WNT9B: variants seen among roughly 807,000 people sequenced by gnomAD.
WNT9B encodes Wnt family member 9B, also known as protein Wnt-9b.
WNT9B carries 12 observed loss-of-function variants against 30.2 expected under a neutral mutation model. That is an observed-to-expected ratio of 0.40 (90% confidence interval 0.26 to 0.64). WNT9B has a LOEUF of 0.64. WNT9B is among the 30% of genes least tolerant of loss of function. The probability of loss-of-function intolerance (pLI) is 0.42; values close to 1 mark genes in which losing one functional copy is unlikely to be tolerated. For synonymous variants in WNT9B, 218 were observed against 216.9 expected, an observed-to-expected ratio of 1.01 and a Z score of -0.05; for missense variants, 442 against 485.2, an observed-to-expected ratio of 0.91 and a Z score of 0.84.
intron 2 of WNT9B, 39 bp from the exon 3 acceptor site, chr17:46,875,062 C>T (rs1240285911): frequency 1.2e-6 from 2 of 1,613,342 alleles, no homozygotes; most frequent in Non-Finnish European, 8.5e-7. Context: ...CTCTCTTCCC[C>T]CTTTCCTCCC....
chr17:46,838,884 G>A (rs1490484331), intron 1 of WNT9B, among the ~76,000 whole-genome samples: 1 of 151,902 alleles, frequency 6.6e-6, no homozygotes, highest in Non-Finnish European at 1.5e-5. Flanking sequence ...AAAGAATTTT[G>A]TTTTGTTTTC....
intron 1 of WNT9B, among the ~76,000 whole-genome samples, chr17:46,860,867 T>C (rs1406140961): frequency 1.3e-5 from 2 of 152,206 alleles, no homozygotes; most frequent in Admixed American, 6.5e-5. Flanking sequence ...ACTTTTTTTT[T>C]ATTTTTAGAG....
intron 1 of WNT9B, among the ~76,000 whole-genome samples, chr17:46,857,482 A>AT (rs2084958354): frequency 6.6e-6 from 1 of 151,734 alleles, no homozygotes; most frequent in African/African-American, 2.4e-5. Flanking sequence ...CTCAAAAAAA[A>AT]AAAAAAAAAA....
At position 46,879,169 on chromosome 17, in the gene WNT9B, C is replaced by T. The variant is rs1273004373; in HGVS notation, c.*2451C>T. Among the ~76,000 whole-genome samples, 4 of 152,170 alleles carry T rather than the reference C, an allele frequency of 2.6e-5. No homozygotes were observed. Among genetic ancestry groups the T allele is most frequent in the Non-Finnish European group, 5.9e-5 (4 of 68,020 alleles). On this transcript the variant is annotated 3_prime_UTR_variant, in exon 4 of 4. Transcript: ENST00000290015. ...AGTATTTATATTATTTATATAGTTG[C>T]TATATTTCACAGACAGCACAGGTGG...
intron 1 of WNT9B, among the ~76,000 whole-genome samples, chr17:46,871,615 C>A (rs548026934): frequency 6.6e-6 from 1 of 152,232 alleles, no homozygotes; most frequent in South Asian, 2.1e-4. Flanking sequence ...AATCCTCCCA[C>A]CAACCCTAGG....
intron 2 of WNT9B, among the ~76,000 whole-genome samples, chr17:46,873,629 C>T (rs547915055): frequency 7.2e-5 from 11 of 152,180 alleles, no homozygotes; most frequent in East Asian, 3.9e-4. Context: ...GAGGCCGAAG[C>T]GGGTGGATCA....
At chr17:46,883,985 C>T (rs541933683), downstream of WNT9B, among the ~76,000 whole-genome samples, 2 of 152,290 alleles carry the variant, frequency 1.3e-5, no homozygotes, top group East Asian at 3.9e-4. Flanking sequence ...GGAGCTGAGC[C>T]CCTACCCCTG....
At chr17:46,862,468 T>A (rs1245382548) in intron 1 of WNT9B, among the ~76,000 whole-genome samples, 1 of 152,182 alleles carries the variant, frequency 6.6e-6, no homozygotes, top group Non-Finnish European at 1.5e-5. Context: ...TAAAAAAACT[T>A]GTAGTTTTCT....
intron 1 of WNT9B, among the ~76,000 whole-genome samples, chr17:46,839,977 TC>T (rs1239431156): frequency 0.011 from 1,265 of 118,298 alleles, 4 homozygotes; most frequent in East Asian, 0.023. Context: ...TCTTTCTTTC[TC>T]TTCTTTCTTT....
At chr17:46,864,218 A>AC (rs1324867289) in intron 1 of WNT9B, among the ~76,000 whole-genome samples, 1 of 152,136 alleles carries the variant, frequency 6.6e-6, no homozygotes, top group African/African-American at 2.4e-5. Context: ...GGCTGCAGTC[A>AC]CCCAGCCAGA....
chr17:46,881,522 A>G (rs2146622757), downstream of WNT9B, among the ~76,000 whole-genome samples: 1 of 152,350 alleles, frequency 6.6e-6, no homozygotes, highest in African/African-American at 2.4e-5. Context: ...ATCGCTAGCA[A>G]GCGGATCCAG....
At chr17:46,839,226 T>C (rs1323879095) in intron 1 of WNT9B, among the ~76,000 whole-genome samples, 1 of 152,216 alleles carries the variant, frequency 6.6e-6, no homozygotes, top group Non-Finnish European at 1.5e-5. Flanking sequence ...ATGATTGTTA[T>C]GTTTATGGAA....
chr17:46,838,656 A>C (rs1024742724), intron 1 of WNT9B, among the ~76,000 whole-genome samples: 2 of 152,154 alleles, frequency 1.3e-5, no homozygotes, highest in African/African-American at 4.8e-5. Flanking sequence ...TAAAAATTAA[A>C]AATAAAATTT....
In WNT9B at chr17:46,875,355, GTGGGCA is replaced by G; in HGVS notation, c.591_596del (p.Gly198_Ile199del). On this transcript the variant is annotated inframe_deletion, in exon 3 of 4. Transcript: ENST00000290015. ...ACGGGCAGACGCCCACAATACCCAC[GTGGGCA>G]TCAAGGTGAGCATGTCCCTGGCTGC... is the stretch of plus-strand genomic sequence containing the variant. 1.2e-6 allele frequency: 2 copies of G among 1,604,434 alleles called. No individual in the cohort carries two copies. The highest frequency in any genetic ancestry group is 1.7e-6 in the Non-Finnish European group (2 of 1,173,516).
chr17:46,834,160 A>T (rs992022715), intron 1 of WNT9B, among the ~76,000 whole-genome samples: 1 of 152,260 alleles, frequency 6.6e-6, no homozygotes, highest in African/African-American at 2.4e-5. Flanking sequence ...GCACCACTAC[A>T]CTCCAGCCTG....
intron 1 of WNT9B, among the ~76,000 whole-genome samples, chr17:46,867,566 G>A (rs568926574): frequency 6.6e-6 from 1 of 152,364 alleles, no homozygotes; most frequent in Non-Finnish European, 1.5e-5. Context: ...TTACTGAAGG[G>A]TGAGGTCCCT....
intron 3 of WNT9B, 36 bp downstream of exon 3, chr17:46,875,402 A>T (rs1425438312): frequency 5.2e-6 from 8 of 1,551,242 alleles, no homozygotes; most frequent in Admixed American, 1.9e-5. Flanking sequence ...GTGCCTTCCC[A>T]CCAGGGTACA....
At position 46,851,754 on chromosome 17, in the gene WNT9B, G is replaced by A; in HGVS notation, c.77+39G>A. 1.8e-6 allele frequency: 2 copies of A among 1,097,488 alleles called. No homozygotes were observed. The highest frequency in any genetic ancestry group is 3.2e-5 in the East Asian group (1 of 30,862). 68.0% of individuals were successfully genotyped at this position (1,097,488 alleles called of 1,614,324 possible). On this transcript the variant is annotated intron_variant, in intron 1 of 3. Transcript: ENST00000290015. This position sits in a 1 kb window ranked among gnomAD's most constrained non-coding sequence, Gnocchi z 4.3. ...GCGCCCCCCGCCCGCTCCCCGGCCT[G>A]CCTGTCTCTCCCTCCTGCGCTACAG...
In WNT9B at chr17:46,876,626, G is replaced by A; in HGVS notation, c.982G>A (p.Ala328Thr). The change falls in exon 4 of 4, where the codon GCC becomes ACC. Residue 328 changes from alanine (A) to threonine (T), a missense_variant. Transcript: ENST00000290015. ...CTATGACACCCAGAGCCGCCTGGTG[G>A]CCTTCTCCTGCCACTGCCAGGTGCA... is the stretch of plus-strand genomic sequence containing the variant. ...RGYDTQSRLV[A>T]FSCHCQVQWC... is the part of the protein sequence containing the mutation. 1 of 1,610,394 alleles carries A rather than the reference G, an allele frequency of 6.2e-7. No individual in the cohort carries two copies. Among genetic ancestry groups the A allele is most frequent in the Non-Finnish European group, 8.5e-7 (1 of 1,177,734 alleles).
Sources: allele counts gnomAD v4.1 joint callset (sites outside exome capture counted in the v4.1 genomes callset), GRCh38; gene constraint gnomAD v4.1.1; non-coding constraint Gnocchi (gnomAD v3.1); transcripts MANE v1.5; gene names NCBI Gene and HGNC (gene_info 2026-07-23, HGNC 2026-07-21).